Variants in TRIM56 observed in about 807,000 individuals in gnomAD.
TRIM56 encodes the protein E3 ubiquitin-protein ligase TRIM56.
Under a neutral mutation model 17.1 loss-of-function variants are expected in TRIM56, and 10 were observed. The ratio of observed to expected loss-of-function variants is 0.58; its 90% CI spans 0.36 to 0.99. The LOEUF is 0.99. TRIM56 is among the 50% of genes least tolerant of loss of function. The pLI is 0.01. For missense variants in TRIM56, 923 were observed against 1,052.3 expected (o/e 0.88, Z 1.70); for synonymous variants, 503 against 473.5 (o/e 1.06, Z -0.81).
chr7:101,088,678 A>C lies in TRIM56; in HGVS notation c.1366A>C (p.Arg456=). Residue 456 remains arginine, a synonymous_variant, in exon 3 of 3, where the codon AGA becomes CGA. Coordinates refer to ENST00000306085, the MANE Select transcript of TRIM56 (RefSeq NM_030961.3). ...DGGPQPHRGG[R]PNKKKKFKGR... ...AGGACCCCAGCCCCACAGGGGTGGC[A>C]GACCCAACAAGAAGAAAAAGTTCAA... 6.2e-7 allele frequency: 1 copy of C among 1,614,052 alleles called. No individual in the cohort carries two copies. The highest frequency in any genetic ancestry group is 1.1e-5 in the South Asian group (1 of 91,088).
At position 101,087,378 on chromosome 7, in the gene TRIM56, A is replaced by G; in HGVS notation, c.66A>G (p.Lys22=). Reference sequence around the variant, plus strand: ...TGAGCAGCGACTTCCTGGCCTGTAAAATCTGCCTGGAGCAGCTGCGGGCAC... The same window carrying G: ...TGAGCAGCGACTTCCTGGCCTGTAAGATCTGCCTGGAGCAGCTGCGGGCAC... The part of the protein sequence containing the change: ...EALSSDFLAC[K]ICLEQLRAPK... Residue 22 remains lysine (K), a synonymous_variant, in exon 3 of 3, where the codon AAA becomes AAG. Coordinates refer to ENST00000306085, the MANE Select transcript of TRIM56 (RefSeq NM_030961.3). 6.2e-7 allele frequency: 1 copy of G among 1,612,840 alleles called. No homozygotes were observed. The highest frequency in any genetic ancestry group is 1.1e-5 in the South Asian group (1 of 91,078).
At chr7:101,086,630 A>G (rs1216668091) in intron 1 of TRIM56, among the ~76,000 whole-genome samples, 1 of 151,634 alleles carries the variant, frequency 6.6e-6, no homozygotes, top group African/African-American at 2.4e-5. Flanking sequence ...TACTCAAAAG[A>G]CTTGAGTCTA....
Position 101,088,272 on chromosome 7 carries a change from G to T in TRIM56, c.960G>T (p.Glu320Asp). 1.3e-6 allele frequency: 2 copies of T among 1,513,230 alleles called. No individual in the cohort carries two copies. The highest frequency in any genetic ancestry group is 4.6e-5 in the East Asian group (2 of 43,358). 93.7% of individuals were successfully genotyped at this position (1,513,230 alleles called of 1,614,324 possible). Residue 320 changes from glutamate (E) to aspartate (D), a missense_variant, in exon 3 of 3, where the codon GAG becomes GAT. Physicochemically the swap from Glu to Asp is conservative, Grantham distance 45. This residue lies in a region of TRIM56 where 643 missense variants were observed against 665.6 expected (regional missense o/e 0.97). Coordinates refer to ENST00000306085, the MANE Select transcript of TRIM56 (RefSeq NM_030961.3). Reference protein sequence around the residue: ...RRVLSLGREAEILSLEGAIAQ... With the variant: ...RRVLSLGREADILSLEGAIAQ... The stretch of plus-strand genomic sequence containing the variant: ...TACTCAGCCTGGGGCGAGAGGCCGA[G>T]ATCCTCTCCCTGGAAGGGGCGATCG...
At position 101,089,500 on chromosome 7, in the gene TRIM56, A is replaced by G. The variant is rs768707658; in HGVS notation, c.2188A>G (p.Met730Val). 1 of 1,614,254 alleles carries G rather than the reference A, an allele frequency of 6.2e-7. No homozygotes were observed. The highest frequency in any genetic ancestry group is 1.7e-5 in the Admixed American group (1 of 60,030). The change falls in exon 3 of 3, where the codon ATG (methionine) becomes GTG (valine). Residue 730 changes from methionine (M) to valine (V), a missense_variant. This residue lies in a region of TRIM56 where 182 missense variants were observed against 243.1 expected (regional missense o/e 0.75). Coordinates refer to ENST00000306085, the MANE Select transcript of TRIM56 (RefSeq NM_030961.3). ...CCTGGAAAAGCCCCGGGTTACCACC[A>G]TGGTGGATGGCAGGTACCTGGTCGT... ...HGLEKPRVTT[M>V]VDGRYLVVSL...
rs544367504 is a variant in TRIM56 at position 101,095,660 on chromosome 7, G to A, written c.*6080G>A. The stretch of plus-strand genomic sequence containing the variant: ...CGCCCTAGAGATGGGGATGCCAAGT[G>A]GCTTCTCGGGAAGCTGTAAGAATCC... On this transcript the variant is annotated 3_prime_UTR_variant, in exon 3 of 3. Coordinates refer to ENST00000306085, the MANE Select transcript of TRIM56 (RefSeq NM_030961.3). 6.6e-6 allele frequency: 1 copy of A among 152,292 alleles called. No homozygotes were observed. Among genetic ancestry groups the A allele is most frequent in the African/African-American group, 2.4e-5 (1 of 41,552 alleles). The allele number at this position is 152,292 out of a possible 1,614,324, so 9.4% of individuals were successfully genotyped here. A position where few individuals can be genotyped will look rare whatever the true frequency, so the allele number is the denominator to read the frequency against.
At position 101,088,837 on chromosome 7, in the gene TRIM56, C is replaced by A. The variant is rs1466721690; in HGVS notation, c.1525C>A (p.Arg509=). The A allele has an allele frequency of 6.2e-7, 1 of 1,613,686 alleles. No homozygotes were observed. Among genetic ancestry groups the A allele is most frequent in the Non-Finnish European group, 8.5e-7 (1 of 1,180,052 alleles). Reference sequence around the variant, plus strand: ...GATGCCTGGAGACAAGCGGTCCCCCCGGATCACCGGGCTCTGTCCCTTCGG... The same window carrying A: ...GATGCCTGGAGACAAGCGGTCCCCCAGGATCACCGGGCTCTGTCCCTTCGG... ...TRMPGDKRSP[R]ITGLCPFGPR... The change falls in exon 3 of 3, where the codon CGG becomes AGG. Residue 509 remains arginine (R), a synonymous_variant. Coordinates refer to ENST00000306085, the MANE Select transcript of TRIM56 (RefSeq NM_030961.3).
In TRIM56 at chr7:101,087,333, G is replaced by T. The variant is rs1259719489; in HGVS notation, c.21G>T (p.Ser7=). Residue 7 remains serine, a synonymous_variant, in exon 3 of 3, where the codon TCG becomes TCT. Coordinates refer to ENST00000306085, the MANE Select transcript of TRIM56 (RefSeq NM_030961.3). ...GCAGCATGGTTTCCCACGGGTCCTCGCCCTCCCTCCTGGAGGCCCTGAGCA... is the reference window on the plus strand; with the variant it reads ...GCAGCATGGTTTCCCACGGGTCCTCTCCCTCCCTCCTGGAGGCCCTGAGCA... MVSHGS[S]PSLLEALSSD... is the part of the protein sequence containing the mutation. 6.2e-7 allele frequency: 1 copy of T among 1,612,380 alleles called. No individual in the cohort carries two copies. The highest frequency in any genetic ancestry group is 8.5e-7 in the Non-Finnish European group (1 of 1,179,542).
rs749251848 is a variant in TRIM56 at position 101,088,344 on chromosome 7, G to A, written c.1032G>A (p.Pro344=). The part of the protein sequence containing the change: ...QLQGCPWAPG[P]APCLLPQLEL... Reference sequence around the variant, plus strand: ...AGGGCTGCCCCTGGGCACCAGGCCCGGCCCCCTGCCTGCTCCCACAGCTGG... The same window carrying A: ...AGGGCTGCCCCTGGGCACCAGGCCCAGCCCCCTGCCTGCTCCCACAGCTGG... Residue 344 remains proline (P), a synonymous_variant, in exon 3 of 3, where the codon CCG becomes CCA. Transcript: ENST00000306085. 1.4e-5 allele frequency: 22 copies of A among 1,538,452 alleles called. No individual in the cohort carries two copies. Among genetic ancestry groups the A allele is most frequent in the South Asian group, 1.0e-4 (8 of 79,028 alleles).
rs1795639495 is a variant in TRIM56 at position 101,095,349 on chromosome 7, G to C, written c.*5769G>C. 2 of 152,368 alleles carry C rather than the reference G, an allele frequency of 1.3e-5. No individual in the cohort carries two copies. Among genetic ancestry groups the C allele is most frequent in the Admixed American group, 1.3e-4 (2 of 15,266 alleles). The allele number at this position is 152,368 out of a possible 1,614,324, so 9.4% of individuals were successfully genotyped here. On this transcript the variant is annotated 3_prime_UTR_variant, in exon 3 of 3. Coordinates refer to ENST00000306085, the MANE Select transcript of TRIM56 (RefSeq NM_030961.3). ...TGATTGTGCCACTGCACTCCAGCCTGAGTGACAGAGCAAAACCTGGTTTCC... is the reference window on the plus strand; with the variant it reads ...TGATTGTGCCACTGCACTCCAGCCTCAGTGACAGAGCAAAACCTGGTTTCC...
rs1384471810 is a variant in TRIM56, at chr7:101,094,804, G to A, written c.*5224G>A. ...TTTCTACAGGACCAACTAGAATAGGGATCAGCTACATGGGGGCGGGGGGAG... is the reference window on the plus strand; with the variant it reads ...TTTCTACAGGACCAACTAGAATAGGAATCAGCTACATGGGGGCGGGGGGAG... On this transcript the variant is annotated 3_prime_UTR_variant, in exon 3 of 3. Coordinates refer to ENST00000306085, the MANE Select transcript of TRIM56 (RefSeq NM_030961.3). The A allele has an allele frequency of 1.5e-5, 2 of 131,210 alleles. No homozygotes were observed. The highest frequency in any genetic ancestry group is 5.6e-5 in the African/African-American group (2 of 35,812). The allele number at this position is 131,210 out of a possible 1,614,324, so 8.1% of individuals were successfully genotyped here.
rs1204174511 is a variant in TRIM56 at position 101,093,540 on chromosome 7, A to G, written c.*3960A>G. On this transcript the variant is annotated 3_prime_UTR_variant, in exon 3 of 3. Coordinates refer to ENST00000306085, the MANE Select transcript of TRIM56 (RefSeq NM_030961.3). The stretch of plus-strand genomic sequence containing the variant: ...AAAATAATAATAATTAAAAAAAAAA[A>G]AAAGAAAGGCTGGACGCGGTGGCTC... The G allele has an allele frequency of 6.6e-6, 1 of 151,504 alleles. No homozygotes were observed. The highest frequency in any genetic ancestry group is 2.4e-5 in the African/African-American group (1 of 41,354). 9.4% of individuals were successfully genotyped at this position (151,504 alleles called of 1,614,324 possible). A position where few individuals can be genotyped will look rare whatever the true frequency, so the allele number is the denominator to read the frequency against.
rs1431022833 is a variant in TRIM56, at chr7:101,088,088, C to T, written c.776C>T (p.Ala259Val). The change falls in exon 3 of 3, where the codon GCT becomes GTT. Residue 259 changes from alanine to valine, a missense_variant. Ala to Val is a moderately conservative substitution (Grantham distance 64). Around this residue, in one of 3 missense-constraint regions of TRIM56, gnomAD observed 643 missense variants for 665.6 expected, o/e 0.97. Coordinates refer to ENST00000306085, the MANE Select transcript of TRIM56 (RefSeq NM_030961.3). Reference protein sequence around the residue: ...ARVGTQVEEAAEGVLRALLAQ... With the variant: ...ARVGTQVEEAVEGVLRALLAQ... ...GTGGGGACTCAGGTGGAGGAGGCGG[C>T]TGAGGGCGTCCTCCGGGCCCTGCTG... 4 of 1,513,984 alleles carry T rather than the reference C, an allele frequency of 2.6e-6. No individual in the cohort carries two copies. Among genetic ancestry groups the T allele is most frequent in the Non-Finnish European group, 2.7e-6 (3 of 1,132,034 alleles). 93.8% of individuals were successfully genotyped at this position (1,513,984 alleles called of 1,614,324 possible). A position where few individuals can be genotyped will look rare whatever the true frequency, so the allele number is the denominator to read the frequency against.
chr7:101,094,820 GC>G lies in TRIM56; in HGVS notation c.*5241del. 7.6e-6 allele frequency: 1 copy of G among 131,952 alleles called. No individual in the cohort carries two copies. The highest frequency in any genetic ancestry group is 2.8e-5 in the African/African-American group (1 of 36,294). 8.2% of individuals were successfully genotyped at this position (131,952 alleles called of 1,614,324 possible). A position where few individuals can be genotyped will look rare whatever the true frequency, so the allele number is the denominator to read the frequency against. ...TAGAATAGGGATCAGCTACATGGGG[GC>G]GGGGGGAGGGGGGCAGGGAACGGTG... On this transcript the variant is annotated 3_prime_UTR_variant, in exon 3 of 3. Coordinates refer to ENST00000306085, the MANE Select transcript of TRIM56 (RefSeq NM_030961.3).
In TRIM56 at chr7:101,089,249, G is replaced by A. The variant is rs745422090; in HGVS notation, c.1937G>A (p.Gly646Glu). The A allele has an allele frequency of 3.1e-6, 5 of 1,612,470 alleles. No homozygotes were observed. The highest frequency in any genetic ancestry group is 2.2e-5 in the East Asian group (1 of 44,820). The change falls in exon 3 of 3, where the codon GGG becomes GAG. Residue 646 changes from glycine (G) to glutamate (E), a missense_variant. Physicochemically the swap from Gly to Glu is moderately conservative, Grantham distance 98. Coordinates refer to ENST00000306085, the MANE Select transcript of TRIM56 (RefSeq NM_030961.3). Reference sequence around the variant, plus strand: ...GTGTTTCTGACCACCAGCCCCCAGGGGCATTTCGTGGGGTCGGACTGGCAG... The same window carrying A: ...GTGTTTCTGACCACCAGCCCCCAGGAGCATTTCGTGGGGTCGGACTGGCAG... Reference protein sequence around the residue: ...ALVFLTTSPQGHFVGSDWQQN... With the variant: ...ALVFLTTSPQEHFVGSDWQQN...
chr7:101,088,271 A>T lies in TRIM56; in HGVS notation c.959A>T (p.Glu320Val). 2 of 1,511,738 alleles carry T rather than the reference A, an allele frequency of 1.3e-6. No individual in the cohort carries two copies. Among genetic ancestry groups the T allele is most frequent in the South Asian group, 1.3e-5 (1 of 77,432 alleles). The allele number at this position is 1,511,738 out of a possible 1,614,324, so 93.6% of individuals were successfully genotyped here. ...RRVLSLGREAEILSLEGAIAQ... is the reference protein window; with the variant it reads ...RRVLSLGREAVILSLEGAIAQ... ...GTACTCAGCCTGGGGCGAGAGGCCG[A>T]GATCCTCTCCCTGGAAGGGGCGATC... Residue 320 changes from glutamate (E) to valine (V), a missense_variant, in exon 3 of 3, where the codon GAG (glutamate) becomes GTG (valine). Glu to Val is a moderately radical substitution (Grantham distance 121, BLOSUM62 -2). Coordinates refer to ENST00000306085, the MANE Select transcript of TRIM56 (RefSeq NM_030961.3).
rs757423888 is a variant in TRIM56, at chr7:101,088,993, G to T, written c.1681G>T (p.Ala561Ser). The change falls in exon 3 of 3, where the codon GCG (alanine) becomes TCG (serine). Residue 561 changes from alanine to serine, a missense_variant. Coordinates refer to ENST00000306085, the MANE Select transcript of TRIM56 (RefSeq NM_030961.3). Reference protein sequence around the residue: ...SPCSVAALQSAVAFSASARLY... With the variant: ...SPCSVAALQSSVAFSASARLY... ...TTGCAGCGTGGCCGCCCTGCAGAGC[G>T]CGGTGGCCTTCTCCGCTAGCGCACG... 6.2e-7 allele frequency: 1 copy of T among 1,609,926 alleles called. No individual in the cohort carries two copies. Among genetic ancestry groups the T allele is most frequent in the South Asian group, 1.1e-5 (1 of 91,062 alleles).
In TRIM56 at chr7:101,097,881, G is replaced by A. The variant is rs1584894049; in HGVS notation, c.*8301G>A. 1 of 151,856 alleles carries A rather than the reference G, an allele frequency of 6.6e-6. No homozygotes were observed. Among genetic ancestry groups the A allele is most frequent in the African/African-American group, 2.4e-5 (1 of 41,306 alleles). 9.4% of individuals were successfully genotyped at this position (151,856 alleles called of 1,614,324 possible). A position where few individuals can be genotyped will look rare whatever the true frequency, so the allele number is the denominator to read the frequency against. ...TATCTTTTCTGTGTTTCTTAATAAA[G>A]TTCTTTTGAAAAATGGGAACCTTTC... is the stretch of plus-strand genomic sequence containing the variant. On this transcript the variant is annotated 3_prime_UTR_variant, in exon 3 of 3. Coordinates refer to ENST00000306085, the MANE Select transcript of TRIM56 (RefSeq NM_030961.3).
Position 101,089,490 on chromosome 7 carries a change from G to A in TRIM56, c.2178G>A (p.Arg726=). 6.2e-7 allele frequency: 1 copy of A among 1,614,256 alleles called. No homozygotes were observed. The highest frequency in any genetic ancestry group is 8.5e-7 in the Non-Finnish European group (1 of 1,180,048). Residue 726 remains arginine, a synonymous_variant, in exon 3 of 3, where the codon CGG becomes CGA. Transcript: ENST00000306085. The part of the protein sequence containing the change: ...LTAYHGLEKP[R]VTTMVDGRYL... ...CCTACCACGGCCTGGAAAAGCCCCG[G>A]GTTACCACCATGGTGGATGGCAGGT...
rs200165536 is a variant in TRIM56 at position 101,087,810 on chromosome 7, G to A, written c.498G>A (p.Ala166=). 612 of 1,605,824 alleles carry A rather than the reference G, an allele frequency of 3.8e-4. 1 individual carries two copies. In the African/African-American group the frequency reaches 5.7e-3, roughly 15 times the overall value. The change falls in exon 3 of 3, where the codon GCG becomes GCA. Residue 166 remains alanine (A), a synonymous_variant. Transcript: ENST00000306085. ...ATGAGGAGGCCCGGGAGCGCCAAGC[G>A]GCCCAGTGTCCCCAGCACCCCGGGG... ...WYDEEARERQ[A]AQCPQHPGEA... is the part of the protein sequence containing the mutation.
Sources: allele counts gnomAD v4.1 joint callset (sites outside exome capture counted in the v4.1 genomes callset), GRCh38; gene constraint gnomAD v4.1.1; regional missense constraint gnomAD v4.1.1; transcripts MANE v1.5; gene names NCBI Gene and HGNC (gene_info 2026-07-23, HGNC 2026-07-21).